The following IL1RAPL2 variants were observed in gnomAD, a reference collection of about 807,000 sequenced individuals.
IL1RAPL2 encodes the protein X-linked interleukin-1 receptor accessory protein-like 2.
IL1RAPL2 carries 3 observed loss-of-function variants against 44.1 expected under a neutral mutation model. The observed-to-expected ratio is 0.07, with a 90% confidence interval of 0.03 to 0.18. The LOEUF (loss-of-function observed/expected upper bound fraction) is 0.18, where lower values mean the gene tolerates loss of function less well. Ranked by LOEUF, IL1RAPL2 falls within the 10% of genes least tolerant of loss-of-function variation. The pLI is 1.00. For missense variants in IL1RAPL2, 391 were observed against 496.4 expected (o/e 0.79, Z 2.02); for synonymous variants, 181 against 178.8 (o/e 1.01, Z -0.10).
At chrX:105,052,856 C>T (rs1200988140) in intron 2 of IL1RAPL2, among the ~76,000 whole-genome samples, 1 of 110,804 alleles carries the variant, frequency 9.0e-6, no homozygotes, top group Non-Finnish European at 1.9e-5. Context: ...AGGTATTTGT[C>T]CTAATGCTTT....
chrX:105,369,808 G>A (rs764059192), intron 5 of IL1RAPL2, among the ~76,000 whole-genome samples: 1 of 111,177 alleles, frequency 9.0e-6, no homozygotes, highest in African/African-American at 3.3e-5. Context: ...TCCATGGAGA[G>A]TCTGAAAACC....
chrX:105,010,271 C>T (rs1331102035), intron 2 of IL1RAPL2, among the ~76,000 whole-genome samples: 1 of 110,980 alleles, frequency 9.0e-6, no homozygotes, highest in Non-Finnish European at 1.9e-5. Context: ...TGCACATTTC[C>T]TCCTATTTTA....
At chrX:105,516,375 G>A (rs1368601689) in intron 6 of IL1RAPL2, among the ~76,000 whole-genome samples, 2 of 111,890 alleles carry the variant, frequency 1.8e-5, no homozygotes, top group African/African-American at 3.2e-5. Context: ...TTTGACAGCA[G>A]CCTCAAAACA....
At chrX:104,896,376 C>A (rs180749481) in intron 2 of IL1RAPL2, among the ~76,000 whole-genome samples, 6 of 111,669 alleles carry the variant, frequency 5.4e-5, no homozygotes, top group African/African-American at 1.6e-4. Context: ...AAGAGTTCCC[C>A]TCTGGAGGGC....
At chrX:105,254,391 A>G (rs2034298121) in intron 4 of IL1RAPL2, among the ~76,000 whole-genome samples, 1 of 111,251 alleles carries the variant, frequency 9.0e-6, no homozygotes, top group South Asian at 3.8e-4. Flanking sequence ...CCCACTTTTT[A>G]ATGGGGTTGT....
intron 2 of IL1RAPL2, among the ~76,000 whole-genome samples, chrX:104,874,363 G>T (rs1218330772): frequency 1.9e-5 from 2 of 105,394 alleles, no homozygotes; most frequent in East Asian, 3.0e-4. Flanking sequence ...GGGTAGATGG[G>T]GTGGAACATG....
chrX:104,849,371 T>TATATATATATA (rs1298461170), intron 2 of IL1RAPL2, among the ~76,000 whole-genome samples: 10 of 96,262 alleles, frequency 1.0e-4, no homozygotes, highest in Non-Finnish European at 1.7e-4. Context: ...TATATATGGA[T>TATATATATATA]TACTTACGGA....
At chrX:104,756,706 C>G (rs769793666) in intron 2 of IL1RAPL2, among the ~76,000 whole-genome samples, 46 of 109,143 alleles carry the variant, frequency 4.2e-4, no homozygotes, top group Non-Finnish European at 8.0e-4. Context: ...TGGGAATGAT[C>G]AAAAGAAAAA....
intron 5 of IL1RAPL2, among the ~76,000 whole-genome samples, chrX:105,286,123 A>G (rs2034568812): frequency 9.0e-6 from 1 of 111,641 alleles, no homozygotes; most frequent in South Asian, 3.7e-4. Flanking sequence ...AGATACCAGG[A>G]AGCAGAACTG....
intron 1 of IL1RAPL2, among the ~76,000 whole-genome samples, chrX:104,635,168 G>C (rs1929764694): frequency 9.0e-6 from 1 of 111,471 alleles, no homozygotes; most frequent in Non-Finnish European, 1.9e-5. Context: ...TTGAATATTG[G>C]CCCCCACTCT....
intron 1 of IL1RAPL2, among the ~76,000 whole-genome samples, chrX:104,633,823 T>G (rs766179110): frequency 9.0e-6 from 1 of 111,356 alleles, no homozygotes; most frequent in East Asian, 2.8e-4. Context: ...TTTGAAGGGT[T>G]TTTTTGTGTC....
At chrX:105,546,089 G>A (rs758034121) in intron 6 of IL1RAPL2, among the ~76,000 whole-genome samples, 2 of 111,216 alleles carry the variant, frequency 1.8e-5, no homozygotes, top group South Asian at 7.7e-4. Flanking sequence ...CTTTGATAGT[G>A]GCAGAACAGC....
intron 1 of IL1RAPL2, among the ~76,000 whole-genome samples, chrX:104,634,521 G>T (rs1247981652): frequency 2.7e-5 from 3 of 111,465 alleles, no homozygotes; most frequent in Non-Finnish European, 5.6e-5. Flanking sequence ...TATGAATCTG[G>T]GTGCTCCTGT....
In IL1RAPL2 at chrX:105,219,114, G is replaced by C. The variant is rs782081203; in HGVS notation, c.357-14704G>C. Reference sequence around the variant, plus strand: ...GCTGATGAGGTTCGGAGTATCTCCTGTCTCTTGGGTGCTCCTGATGGTCTA... The same window carrying C: ...GCTGATGAGGTTCGGAGTATCTCCTCTCTCTTGGGTGCTCCTGATGGTCTA... On this transcript the variant is annotated intron_variant, in intron 3 of 10. Coordinates refer to ENST00000372582, the MANE Select transcript of IL1RAPL2 (RefSeq NM_017416.2). 7 of 1,211,160 alleles carry C rather than the reference G, an allele frequency of 5.8e-6. No individual in the cohort carries two copies. In the Admixed American group the frequency reaches 1.5e-4, roughly 26 times the overall value.
At chrX:105,516,745 T>C (rs1478919875) in intron 6 of IL1RAPL2, among the ~76,000 whole-genome samples, 1 of 112,021 alleles carries the variant, frequency 8.9e-6, no homozygotes. Flanking sequence ...ACACTTTTTA[T>C]CACCTACTGT....
chrX:105,397,664 G>A (rs1032014552), intron 5 of IL1RAPL2, among the ~76,000 whole-genome samples: 2 of 110,525 alleles, frequency 1.8e-5, no homozygotes, highest in African/African-American at 3.3e-5. Flanking sequence ...ATAAGTGAGG[G>A]GATAAGATCC....
intron 1 of IL1RAPL2, among the ~76,000 whole-genome samples, chrX:104,629,506 CT>C (rs912405948): frequency 1.8e-5 from 2 of 111,566 alleles, no homozygotes; most frequent in Non-Finnish European, 3.8e-5. Context: ...TTCTTGTTTC[CT>C]TTGCTGTCCA....
intron 2 of IL1RAPL2, among the ~76,000 whole-genome samples, chrX:104,908,808 C>G (rs1327226248): frequency 1.8e-5 from 2 of 108,972 alleles, no homozygotes; most frequent in East Asian, 2.9e-4. Flanking sequence ...CGAGGAGTAT[C>G]TTTGTGGCGT....
chrX:105,290,813 G>C (rs2034606991), intron 5 of IL1RAPL2, among the ~76,000 whole-genome samples: 1 of 111,701 alleles, frequency 9.0e-6, no homozygotes, highest in Non-Finnish European at 1.9e-5. Context: ...CACTAGACAG[G>C]TGATTACTAA....
Sources: allele counts gnomAD v4.1 joint callset (sites outside exome capture counted in the v4.1 genomes callset), GRCh38; gene constraint gnomAD v4.1.1; transcripts MANE v1.5; gene names NCBI Gene and HGNC (gene_info 2026-07-23, HGNC 2026-07-21).